The following DAPK2 variants were observed in gnomAD, a reference collection of about 807,000 sequenced individuals.
DAPK2 encodes death-associated protein kinase 2.
A neutral mutation model predicts 44.1 loss-of-function variants in DAPK2; 35 were observed. The ratio of observed to expected loss-of-function variants is 0.79; its 90% CI spans 0.61 to 1.05. DAPK2 has a LOEUF of 1.05. Among genes scored for constraint, DAPK2 ranks in the 50% least tolerant of loss-of-function variants. The probability of loss-of-function intolerance (pLI) is 0.00; values close to 1 mark genes in which losing one functional copy is unlikely to be tolerated. For missense variants in DAPK2, 453 were observed against 483.2 expected, an observed-to-expected ratio of 0.94 and a Z score of 0.59; for synonymous variants, 174 against 182.6, an observed-to-expected ratio of 0.95 and a Z score of 0.38.
In DAPK2 at chr15:63,916,832, C is replaced by T. The variant is rs2078940890; in HGVS notation, c.859-4635G>A. On this transcript the variant is annotated intron_variant, in intron 8 of 10. Coordinates refer to ENST00000261891, the Ensembl canonical transcript of DAPK2. This position sits in a 1 kb window ranked among gnomAD's most constrained non-coding sequence, Gnocchi z 4.7. ...TCAGTTTTCTGAGCAATTTTTTGTC[C>T]CCAGGAAAAGCTTCAAAGGTTCTTC... The T allele has an allele frequency of 6.6e-6, 1 of 152,052 alleles. No homozygotes were observed. Among genetic ancestry groups the T allele is most frequent in the South Asian group, 2.1e-4 (1 of 4,828 alleles). 9.4% of individuals were successfully genotyped at this position (152,052 alleles called of 1,614,324 possible).
At chr15:64,007,759 G>A (rs1450826516) in intron 1 of DAPK2, among the ~76,000 whole-genome samples, 6 of 152,170 alleles carry the variant, frequency 3.9e-5, no homozygotes, top group South Asian at 2.1e-4. Flanking sequence ...ATGTCAAGAC[G>A]ATACAGTCCA....
At chr15:63,909,387 T>C (rs2078727221) in intron 10 of DAPK2, 1 of 151,908 alleles carries the variant, frequency 6.6e-6, no homozygotes, top group African/African-American at 2.4e-5. Context: ...ATAACAGATA[T>C]CTGGGACCCA....
At chr15:64,011,377 T>C (rs1321924948) in intron 1 of DAPK2, among the ~76,000 whole-genome samples, 1 of 152,122 alleles carries the variant, frequency 6.6e-6, no homozygotes, top group Non-Finnish European at 1.5e-5. Flanking sequence ...CTGGCCAACA[T>C]GATGAAACCC....
In DAPK2 at chr15:63,954,150, T is replaced by C. The variant is rs141541853; in HGVS notation, c.454-14789A>G. The stretch of plus-strand genomic sequence containing the variant: ...GTTTTCTTTGCTGTGCAGAAGCTTT[T>C]TAACTTGATGTGATCCCATTTGTCT... On this transcript the variant is annotated intron_variant, in intron 3 of 10. Transcript: ENST00000261891. Among the ~76,000 whole-genome samples the C allele has an allele frequency of 4.3e-3, 653 of 152,350 alleles. 3 individuals carry two copies. Among genetic ancestry groups the C allele is most frequent in the African/African-American group, 0.015 (628 of 41,588 alleles).
chr15:64,002,973 CCTGTGTGT>C lies in DAPK2; in HGVS notation c.93-19227_93-19220del, dbSNP rs1289874186. ...GTGTGTGTGTGTGTGTGTCGTGGGACCTGTGTGTGTGTGTGTGTGTGTGTGTGTGTGTG... is the reference window on the plus strand; with the variant it reads ...GTGTGTGTGTGTGTGTGTCGTGGGACGTGTGTGTGTGTGTGTGTGTGTGTG... On this transcript the variant is annotated intron_variant, in intron 1 of 10. Coordinates refer to ENST00000261891, the Ensembl canonical transcript of DAPK2. Among the ~76,000 whole-genome samples the C allele has an allele frequency of 2.5e-3, 189 of 75,502 alleles. 4 individuals carry two copies. Among genetic ancestry groups the C allele is most frequent in the Middle Eastern group, 6.0e-3 (1 of 168 alleles). The allele number at this position is 75,502 out of a possible 152,430, so 49.5% of individuals were successfully genotyped here. A position where few individuals can be genotyped will look rare whatever the true frequency, so the allele number is the denominator to read the frequency against.
intron 7 of DAPK2, 133 bp from the exon 9 acceptor site, chr15:63,924,994 A>T: frequency 1.1e-6 from 1 of 908,242 alleles, no homozygotes; most frequent in Admixed American, 2.2e-5. Context: ...GGAATGGAGG[A>T]TGCAGAGATG....
chr15:64,002,960 GTGTGTC>G (rs1215202408), intron 1 of DAPK2, among the ~76,000 whole-genome samples: 4 of 115,692 alleles, frequency 3.5e-5, no homozygotes, highest in Admixed American at 1.8e-4. Flanking sequence ...GTGTGTGTGT[GTGTGTC>G]GTGGGACCTG....
chr15:64,040,082 T>C, intron 1 of DAPK2, 88 bp downstream of exon 2: 3 of 1,044,344 alleles, frequency 2.9e-6, no homozygotes, highest in African/African-American at 1.6e-5. Context: ...CCTGTGGCCC[T>C]GCCTTCCAAC....
At chr15:63,911,664 G>A (rs992068847) in intron 10 of DAPK2, 8 of 537,724 alleles carry the variant, frequency 1.5e-5, no homozygotes, top group Non-Finnish European at 2.7e-5. Context: ...GAAAGGATGG[G>A]AGATCCTCCA....
chr15:63,918,937 C>T (rs1595700928), intron 8 of DAPK2: 1 of 152,290 alleles, frequency 6.6e-6, no homozygotes, highest in East Asian at 1.9e-4. Flanking sequence ...AGCCTTCCTT[C>T]CTCTAGGCAC....
intron 1 of DAPK2, among the ~76,000 whole-genome samples, chr15:63,993,371 T>C (rs1362855962): frequency 6.6e-6 from 1 of 152,146 alleles, no homozygotes; most frequent in Non-Finnish European, 1.5e-5. Context: ...ATTAAACAGG[T>C]GGCTCTGCAG....
chr15:63,971,335 G>T, intron 3 of DAPK2, 88 bp downstream of exon 4: 1 of 1,502,326 alleles, frequency 6.7e-7, no homozygotes, highest in Non-Finnish European at 9.1e-7. Context: ...GGGCTGGTCG[G>T]CACTGGGCCC....
chr15:64,034,339 CCA>C (rs888933413), intron 1 of DAPK2, among the ~76,000 whole-genome samples: 1 of 152,202 alleles, frequency 6.6e-6, no homozygotes, highest in African/African-American at 2.4e-5. Context: ...TTGGGAGACT[CCA>C]GTCTGTCTAC....
intron 3 of DAPK2, among the ~76,000 whole-genome samples, chr15:63,961,543 G>A (rs1455873803): frequency 6.6e-6 from 1 of 152,278 alleles, no homozygotes; most frequent in Non-Finnish European, 1.5e-5. Context: ...GCCTGGTGGT[G>A]ACAACATCTC....
intron 1 of DAPK2, among the ~76,000 whole-genome samples, chr15:64,002,974 C>CTGTGTGTGTGTGTGTGTGTG (rs58879927): frequency 2.3e-4 from 12 of 51,632 alleles, no homozygotes; most frequent in South Asian, 1.9e-3. Context: ...GTCGTGGGAC[C>CTGTGTGTGTGTGTGTGTGTG]TGTGTGTGTG....
chr15:64,034,659 C>A (rs377462862), intron 1 of DAPK2, among the ~76,000 whole-genome samples: 3 of 151,668 alleles, frequency 2.0e-5, no homozygotes, highest in African/African-American at 7.3e-5. Flanking sequence ...TCTGTTTGTT[C>A]GTTTGTTTGT....
At chr15:64,035,931 C>T (rs529600768) in intron 1 of DAPK2, among the ~76,000 whole-genome samples, 2 of 152,280 alleles carry the variant, frequency 1.3e-5, no homozygotes, top group East Asian at 3.9e-4. Flanking sequence ...TACAGAGATG[C>T]TCTTACTCAT....
intron 1 of DAPK2, among the ~76,000 whole-genome samples, chr15:64,011,162 T>C (rs2079379539): frequency 1.3e-5 from 2 of 152,134 alleles, no homozygotes; most frequent in South Asian, 2.1e-4. Flanking sequence ...AAAACACAGG[T>C]GGAGGATTGG....
chr15:63,954,325 A>G (rs186210369), intron 3 of DAPK2, among the ~76,000 whole-genome samples: 2 of 152,256 alleles, frequency 1.3e-5, no homozygotes, highest in East Asian at 1.9e-4. Context: ...GAATTTTTCT[A>G]TATGGTAAGA....
Sources: gnomAD v4.1 joint callset for allele counts (sites outside exome capture counted in the v4.1 genomes callset) on GRCh38, gnomAD v4.1.1 for gene constraint, Gnocchi (gnomAD v3.1) non-coding constraint, MANE v1.5 for transcripts, NCBI Gene and HGNC (gene_info 2026-07-23, HGNC 2026-07-21) for gene names.